The following KIAA1958 variants were observed in gnomAD, a reference collection of about 807,000 sequenced individuals.
KIAA1958 encodes uncharacterized protein KIAA1958.
A neutral mutation model predicts 47.2 loss-of-function variants in KIAA1958; 14 were observed. That is an observed-to-expected ratio of 0.30 (90% CI 0.20 to 0.46). The LOEUF (loss-of-function observed/expected upper bound fraction) is 0.46. Among genes scored for constraint, KIAA1958 ranks in the 20% least tolerant of loss-of-function variants. The pLI, the probability that KIAA1958 is intolerant of heterozygous loss-of-function variation, is 1.00. For synonymous variants in KIAA1958, 354 were observed against 353.3 expected (o/e 1.00, Z -0.02); for missense variants, 803 against 909.2 (o/e 0.88, Z 1.50).
chr9:112,522,696 T>C (rs1834570202), intron 1 of KIAA1958, among the ~76,000 whole-genome samples: 1 of 152,198 alleles, frequency 6.6e-6, no homozygotes, highest in African/African-American at 2.4e-5. Flanking sequence ...TATCTACTTA[T>C]TTATGGCTCC....
intron 1 of KIAA1958, among the ~76,000 whole-genome samples, chr9:112,568,736 A>G (rs766469825): frequency 7.9e-5 from 12 of 151,508 alleles, no homozygotes; most frequent in Non-Finnish European, 1.2e-4. Context: ...TTTAATATAA[A>G]AATGAGCCAG....
At chr9:112,555,669 C>G (rs542635057) in intron 1 of KIAA1958, among the ~76,000 whole-genome samples, 1 of 152,180 alleles carries the variant, frequency 6.6e-6, no homozygotes, top group Non-Finnish European at 1.5e-5. Flanking sequence ...AAGGGACAGA[C>G]GCTGTGCGCT....
intron 3 of KIAA1958, among the ~76,000 whole-genome samples, chr9:112,654,822 C>T (rs148705008): frequency 3.9e-5 from 6 of 152,268 alleles, no homozygotes; most frequent in East Asian, 1.9e-4. Flanking sequence ...AACTAACCTA[C>T]GCTGATAGCT....
At chr9:112,549,596 C>T (rs1258194177) in intron 1 of KIAA1958, among the ~76,000 whole-genome samples, 1 of 152,166 alleles carries the variant, frequency 6.6e-6, no homozygotes, top group East Asian at 1.9e-4. Context: ...AACCATAAGC[C>T]TTCTGCTGAA....
At chr9:112,591,068 T>C (rs1835911083) in intron 2 of KIAA1958, among the ~76,000 whole-genome samples, 1 of 152,074 alleles carries the variant, frequency 6.6e-6, no homozygotes, top group Non-Finnish European at 1.5e-5. Context: ...AATGCTGGAT[T>C]TACTTGGTGA....
At chr9:112,538,777 CTATATTAA>C (rs1374428252) in intron 1 of KIAA1958, among the ~76,000 whole-genome samples, 1 of 152,122 alleles carries the variant, frequency 6.6e-6, no homozygotes, top group Non-Finnish European at 1.5e-5. Flanking sequence ...GATAACAGTA[CTATATTAA>C]TATATTATCT....
intron 2 of KIAA1958, among the ~76,000 whole-genome samples, chr9:112,628,335 A>G (rs1337283917): frequency 1.3e-5 from 2 of 152,238 alleles, no homozygotes; most frequent in Admixed American, 6.5e-5. Context: ...TTCTAAGACT[A>G]TCAAAACTAA....
chr9:112,524,241 C>G (rs1834602646), intron 1 of KIAA1958, among the ~76,000 whole-genome samples: 1 of 152,208 alleles, frequency 6.6e-6, no homozygotes, highest in African/African-American at 2.4e-5. Context: ...CAAGGCCCAA[C>G]CAAGGACATG....
rs199913659 is a variant in KIAA1958, at chr9:112,575,088, A to G, written c.1008A>G (p.Gln336=). 3.1e-6 allele frequency: 5 copies of G among 1,612,410 alleles called. No homozygotes were observed. Among genetic ancestry groups the G allele is most frequent in the African/African-American group, 2.7e-5 (2 of 75,050 alleles). ...SALQLPGQDE[Q]VASEEFLSHL... The stretch of plus-strand genomic sequence containing the variant: ...TGCAGCTGCCTGGACAGGATGAGCA[A>G]GTTGCCTCTGAAGAGTTCCTGTCCC... The change falls in exon 2 of 4, where the codon CAA becomes CAG. Residue 336 remains glutamine, a synonymous_variant. Coordinates refer to ENST00000337530, the MANE Select transcript of KIAA1958 (RefSeq NM_133465.4).
At position 112,629,438 on chromosome 9, in the gene KIAA1958, T is replaced by C. The variant is rs560845533; in HGVS notation, c.1172-16212T>C. On this transcript the variant is annotated intron_variant, in intron 2 of 3. Transcript: ENST00000337530. ...AACTTTTTAAAAGCTGCTACAGTTA[T>C]AGTTTGTGAAAGAGGAGAAAGGTGA... Among the ~76,000 whole-genome samples, 6 of 152,312 alleles carry C rather than the reference T, an allele frequency of 3.9e-5. No individual in the cohort carries two copies. The East Asian group carries it at 7.7e-4, about 20-fold the overall frequency.
At chr9:112,525,474 A>G (rs566911765) in intron 1 of KIAA1958, among the ~76,000 whole-genome samples, 18 of 152,336 alleles carry the variant, frequency 1.2e-4, no homozygotes, top group Admixed American at 4.6e-4. Flanking sequence ...ATTTATTCAT[A>G]ATGGTATGTT....
At chr9:112,632,925 A>T (rs1176057333) in intron 2 of KIAA1958, among the ~76,000 whole-genome samples, 22 of 149,746 alleles carry the variant, frequency 1.5e-4, no homozygotes, top group African/African-American at 4.4e-4. Flanking sequence ...TTTTTTTTTA[A>T]AAAAAGAGCC....
chr9:112,491,030 C>T (rs1019378311), intron 1 of KIAA1958, among the ~76,000 whole-genome samples: 4 of 152,166 alleles, frequency 2.6e-5, no homozygotes, highest in African/African-American at 9.7e-5. Context: ...TACAGTGGTG[C>T]AACCATAGCT....
chr9:112,645,901 G>A, intron 3 of KIAA1958, 79 bp downstream of exon 3: 1 of 1,277,692 alleles, frequency 7.8e-7, no homozygotes, highest in South Asian at 1.6e-5. Flanking sequence ...AAGCATTGTA[G>A]GGAACACAGA....
intron 2 of KIAA1958, among the ~76,000 whole-genome samples, chr9:112,627,862 T>C (rs575891979): frequency 1.3e-5 from 2 of 152,360 alleles, no homozygotes; most frequent in South Asian, 4.1e-4. Context: ...GTACACAGAC[T>C]TACTTAACAT....
intron 3 of KIAA1958, among the ~76,000 whole-genome samples, chr9:112,646,087 GTT>G (rs10578182): frequency 0.42 from 63,137 of 149,032 alleles, 13,749 homozygotes; most frequent in Non-Finnish European, 0.49. Flanking sequence ...TATTTAAGTG[GTT>G]TTTTTTTTTT....
intron 1 of KIAA1958, among the ~76,000 whole-genome samples, chr9:112,515,994 G>A (rs1834426554): frequency 6.7e-6 from 1 of 150,182 alleles, no homozygotes; most frequent in African/African-American, 2.4e-5. Context: ...GAAGATAAAG[G>A]AAAAGAATTC....
intron 2 of KIAA1958, among the ~76,000 whole-genome samples, chr9:112,582,900 CAG>C (rs1390265848): frequency 1.3e-5 from 2 of 152,138 alleles, no homozygotes; most frequent in African/African-American, 2.4e-5. Context: ...CTGGCATTGA[CAG>C]GGGCTTGTTA....
At chr9:112,506,231 C>T (rs1382522841) in intron 1 of KIAA1958, among the ~76,000 whole-genome samples, 1 of 152,082 alleles carries the variant, frequency 6.6e-6, no homozygotes, top group Admixed American at 6.5e-5. Flanking sequence ...CCGAAGCAGG[C>T]GGATCACAAG....
Sources: gnomAD v4.1 joint callset for allele counts (sites outside exome capture counted in the v4.1 genomes callset) on GRCh38, gnomAD v4.1.1 for gene constraint, MANE v1.5 for transcripts, NCBI Gene and HGNC (gene_info 2026-07-23, HGNC 2026-07-21) for gene names.